The following LY86 variants were observed in gnomAD, a reference collection of about 807,000 sequenced individuals.
The protein encoded by LY86 is lymphocyte antigen 86, also known as MD-1, RP105-associated.
In LY86, 20 loss-of-function variants were observed where a neutral mutation model predicts 17.3. The ratio of observed to expected loss-of-function variants is 1.15; its 90% CI spans 0.81 to 1.68. The LOEUF is 1.68. Ranked by LOEUF, LY86 falls within the 40% of genes most tolerant of loss-of-function variation. The pLI is 0.00. For missense variants in LY86, 200 were observed against 191.9 expected (o/e 1.04, Z -0.25); for synonymous variants, 74 against 70.6 (o/e 1.05, Z -0.24).
At chr6:6,610,016 G>A (rs1581238988) in intron 1 of LY86, among the ~76,000 whole-genome samples, 1 of 152,052 alleles carries the variant, frequency 6.6e-6, no homozygotes, top group African/African-American at 2.4e-5. Flanking sequence ...TGAACTCCTG[G>A]GCTCCAGCGA....
At chr6:6,613,688 G>A (rs1164872525) in intron 1 of LY86, among the ~76,000 whole-genome samples, 3 of 152,270 alleles carry the variant, frequency 2.0e-5, no homozygotes, top group Non-Finnish European at 4.4e-5. Context: ...CCCAGAAAGG[G>A]GTTCCCACAG....
chr6:6,622,538 G>A (rs1191935513), intron 1 of LY86: 1 of 152,156 alleles, frequency 6.6e-6, no homozygotes, highest in Non-Finnish European at 1.5e-5. Context: ...TTAGGAAGGA[G>A]TCCAATGAGC....
At chr6:6,612,706 T>A (rs1460218690) in intron 1 of LY86, among the ~76,000 whole-genome samples, 2 of 152,196 alleles carry the variant, frequency 1.3e-5, no homozygotes, top group Non-Finnish European at 2.9e-5. Flanking sequence ...TTGGTCGCGT[T>A]TACAATCCCT....
At chr6:6,628,450 A>G (rs1286209186) in intron 3 of LY86, among the ~76,000 whole-genome samples, 1 of 151,762 alleles carries the variant, frequency 6.6e-6, no homozygotes, top group Non-Finnish European at 1.5e-5. Flanking sequence ...TAACATGTGC[A>G]ACATTATTTG....
intron 1 of LY86, among the ~76,000 whole-genome samples, chr6:6,605,985 C>T (rs1453441954): frequency 2.6e-5 from 4 of 152,124 alleles, no homozygotes; most frequent in Admixed American, 6.5e-5. Flanking sequence ...CGACCACCAG[C>T]AAAATTTACT....
At chr6:6,654,447 C>T (rs962313114) in intron 4 of LY86, 97 bp from the exon 5 acceptor site, 2 of 886,510 alleles carry the variant, frequency 2.3e-6, no homozygotes, top group African/African-American at 1.6e-5. Flanking sequence ...ATGTCCAGAA[C>T]AGCACCCAGC....
chr6:6,641,829 C>A (rs1762045002), intron 3 of LY86, among the ~76,000 whole-genome samples: 1 of 152,218 alleles, frequency 6.6e-6, no homozygotes, highest in Non-Finnish European at 1.5e-5. Flanking sequence ...GTACACTGGG[C>A]TGGGGTGCCA....
intron 3 of LY86, among the ~76,000 whole-genome samples, chr6:6,646,538 C>T (rs150874742): frequency 2.6e-4 from 40 of 152,314 alleles, no homozygotes; most frequent in Admixed American, 6.5e-4. Context: ...GGATATCTTA[C>T]AGCCTGTAAA....
At position 6,625,098 on chromosome 6, in the gene LY86, A is replaced by G. The variant is rs1465685560; in HGVS notation, c.223+86A>G. 6 of 603,948 alleles carry G rather than the reference A, an allele frequency of 9.9e-6. No homozygotes were observed. The East Asian group carries it at 1.9e-4, about 19-fold the overall frequency. The allele number at this position is 603,948 out of a possible 1,614,324, so 37.4% of individuals were successfully genotyped here. ...CACCCAATGACTTATGTTAACTGTA[A>G]TGACTGGCTAAACTACTGTTCCCTC... On this transcript the variant is annotated intron_variant, in intron 2 of 4. Coordinates refer to ENST00000230568, the MANE Select transcript of LY86 (RefSeq NM_004271.4).
chr6:6,612,542 G>C (rs144620848), intron 1 of LY86, among the ~76,000 whole-genome samples: 10 of 152,150 alleles, frequency 6.6e-5, no homozygotes, highest in Non-Finnish European at 7.3e-5. Context: ...CCACACAAAA[G>C]CAACGAAACA....
chr6:6,612,214 G>A (rs900702058), intron 1 of LY86, among the ~76,000 whole-genome samples: 4 of 152,190 alleles, frequency 2.6e-5, no homozygotes, highest in African/African-American at 7.2e-5. Context: ...GACCCTCACA[G>A]TTAAGTTCTT....
chr6:6,593,646 G>A (rs549211419), intron 1 of LY86, among the ~76,000 whole-genome samples: 2 of 152,342 alleles, frequency 1.3e-5, no homozygotes, highest in South Asian at 2.1e-4. Context: ...TAGACTCTGA[G>A]CTTCCTTGAA....
chr6:6,608,853 G>A lies in LY86; in HGVS notation c.137-16073G>A, dbSNP rs75519914. 3.4e-3 allele frequency among the ~76,000 whole-genome samples: 513 copies of A among 152,328 alleles called. 5 individuals are homozygous for A. Among genetic ancestry groups the A allele is most frequent in the African/African-American group, 0.011 (452 of 41,568 alleles). On this transcript the variant is annotated intron_variant, in intron 1 of 4. Transcript: ENST00000230568. Reference sequence around the variant, plus strand: ...GGAAGGACGGCTGTGATTGTTCAACGGGTGAACTCTTCTCCTTTATTCATC... The same window carrying A: ...GGAAGGACGGCTGTGATTGTTCAACAGGTGAACTCTTCTCCTTTATTCATC...
chr6:6,645,525 C>T (rs1176918436), intron 3 of LY86, among the ~76,000 whole-genome samples: 1 of 152,054 alleles, frequency 6.6e-6, no homozygotes, highest in East Asian at 1.9e-4. Flanking sequence ...AGTCTGTCTC[C>T]TTCCTAGGTC....
chr6:6,603,594 A>AAAAC (rs770431806), intron 1 of LY86, among the ~76,000 whole-genome samples: 1 of 77,686 alleles, frequency 1.3e-5, no homozygotes, highest in African/African-American at 3.4e-5. Flanking sequence ...CCAAAAACAA[A>AAAAC]AACAGAAACA....
At chr6:6,622,622 G>C (rs1761705689) in intron 1 of LY86, 1 of 152,250 alleles carries the variant, frequency 6.6e-6, no homozygotes, top group Non-Finnish European at 1.5e-5. Flanking sequence ...TCAAACAAAA[G>C]TGTACTTACG....
chr6:6,610,369 G>A (rs1761301291), intron 1 of LY86, among the ~76,000 whole-genome samples: 1 of 152,190 alleles, frequency 6.6e-6, no homozygotes, highest in Admixed American at 6.5e-5. Context: ...TCTTGAGCCT[G>A]AGGCTACGCA....
At chr6:6,617,217 G>GCTCTGGGCCCCAA in intron 1 of LY86, among the ~76,000 whole-genome samples, 1 of 152,320 alleles carries the variant, frequency 6.6e-6, no homozygotes, top group Middle Eastern at 3.4e-3. Context: ...CAATAGTAGG[G>GCTCTGGGCCCCAA]CTCTGGGTGA....
chr6:6,603,642 C>T (rs1464989646), intron 1 of LY86, among the ~76,000 whole-genome samples: 5 of 134,942 alleles, frequency 3.7e-5, no homozygotes, highest in Non-Finnish European at 7.9e-5. Context: ...AACACACACA[C>T]ACACACACAC....
Sources: allele counts gnomAD v4.1 joint callset (sites outside exome capture counted in the v4.1 genomes callset), GRCh38; gene constraint gnomAD v4.1.1; transcripts MANE v1.5; gene names NCBI Gene and HGNC (gene_info 2026-07-23, HGNC 2026-07-21).